Variants in SMIM8 observed in about 807,000 individuals in gnomAD.
The protein encoded by SMIM8 is small integral membrane protein 8.
In SMIM8, 8 loss-of-function variants were observed where a neutral mutation model predicts 8.1. The observed-to-expected ratio is 0.99, with a 90% CI of 0.58 to 1.78. The LOEUF (loss-of-function observed/expected upper bound fraction) is 1.78. Ranked by LOEUF, SMIM8 falls within the 40% of genes most tolerant of loss-of-function variation. The probability of loss-of-function intolerance (pLI) is 0.00; values close to 1 mark genes in which losing one functional copy is unlikely to be tolerated. For missense variants in SMIM8, 126 were observed against 119.8 expected (o/e 1.05, Z -0.24); for synonymous variants, 45 against 39.7 (o/e 1.13, Z -0.50).
At chr6:87,327,206 C>G (rs1419213355) in intron 1 of SMIM8, among the ~76,000 whole-genome samples, 1 of 148,244 alleles carries the variant, frequency 6.7e-6, no homozygotes, top group South Asian at 2.2e-4. Flanking sequence ...ACTGATGGGT[C>G]TTGACTCTTT....
At chr6:87,337,654 T>C (rs1228751686) in intron 3 of SMIM8, among the ~76,000 whole-genome samples, 2 of 152,234 alleles carry the variant, frequency 1.3e-5, no homozygotes, top group East Asian at 3.9e-4. Context: ...CATTTATTTA[T>C]TAGAGGTTCT....
chr6:87,341,469 G>T lies in SMIM8; in HGVS notation c.*1195G>T, dbSNP rs370228. ...TAGAATTCAAATCTTTCTTACAAGGGTTCTGGACCCGTTTCATTTCTAGAT... is the reference window on the plus strand; with the variant it reads ...TAGAATTCAAATCTTTCTTACAAGGTTTCTGGACCCGTTTCATTTCTAGAT... On this transcript the variant is annotated 3_prime_UTR_variant, in exon 4 of 4. Coordinates refer to ENST00000392863, the MANE Select transcript of SMIM8 (RefSeq NM_001042493.3). The T allele has an allele frequency of 0.09, 35,440 of 393,390 alleles. 1,984 individuals carry two copies. Among genetic ancestry groups the T allele is most frequent in the Middle Eastern group, 0.13 (202 of 1,560 alleles). The allele number at this position is 393,390 out of a possible 1,614,324, so 24.4% of individuals were successfully genotyped here.
intron 3 of SMIM8, 48 bp from the exon 4 acceptor site, chr6:87,340,068 C>T (rs1777188706): frequency 6.9e-7 from 1 of 1,442,806 alleles, no homozygotes; most frequent in Non-Finnish European, 9.1e-7. Context: ...TGGGTCTCCT[C>T]AAATTGTTAG....
chr6:87,336,192 C>G (rs765166347), intron 2 of SMIM8, among the ~76,000 whole-genome samples: 2 of 152,120 alleles, frequency 1.3e-5, no homozygotes, highest in Non-Finnish European at 2.9e-5. Flanking sequence ...CTTTCTTTCT[C>G]TACCTCCCCT....
chr6:87,337,301 T>C, intron 3 of SMIM8, 135 bp downstream of exon 3: 2 of 932,308 alleles, frequency 2.1e-6, no homozygotes, highest in Non-Finnish European at 3.0e-6. Flanking sequence ...TAAAAGCAGG[T>C]GGAAGGACGA....
chr6:87,334,205 G>A (rs757050837), intron 2 of SMIM8, among the ~76,000 whole-genome samples: 1 of 152,124 alleles, frequency 6.6e-6, no homozygotes, highest in Non-Finnish European at 1.5e-5. Flanking sequence ...TCAACACTGG[G>A]GATTACAATT....
At chr6:87,338,795 G>A (rs1036511308) in intron 3 of SMIM8, among the ~76,000 whole-genome samples, 4 of 151,916 alleles carry the variant, frequency 2.6e-5, no homozygotes, top group African/African-American at 4.8e-5. Flanking sequence ...AGACCAACTC[G>A]TTGAGTGTGA....
chr6:87,326,612 T>C (rs1776827595), intron 1 of SMIM8, among the ~76,000 whole-genome samples: 2 of 147,398 alleles, frequency 1.4e-5, no homozygotes, highest in African/African-American at 5.1e-5. Flanking sequence ...TCTAGTTTGA[T>C]TGCACTGTGG....
At chr6:87,324,253 T>C (rs1776760036) in intron 1 of SMIM8, among the ~76,000 whole-genome samples, 2 of 150,830 alleles carry the variant, frequency 1.3e-5, no homozygotes, top group South Asian at 4.1e-4. Flanking sequence ...TAGTTTCTTT[T>C]GCTGTGCAGA....
chr6:87,323,983 G>A (rs1455020133), intron 1 of SMIM8, among the ~76,000 whole-genome samples: 1 of 150,426 alleles, frequency 6.6e-6, no homozygotes, highest in African/African-American at 2.5e-5. Context: ...CTGTGAGATG[G>A]TATCTCATTG....
At chr6:87,330,608 T>C (rs1471636451) in intron 1 of SMIM8, 84 bp from the exon 2 acceptor site, 1 of 152,178 alleles carries the variant, frequency 6.6e-6, no homozygotes, top group African/African-American at 2.4e-5. Flanking sequence ...CACTTTGAGA[T>C]GTAAATGACT....
chr6:87,327,304 G>T (rs1278602762), intron 1 of SMIM8, among the ~76,000 whole-genome samples: 5 of 150,714 alleles, frequency 3.3e-5, no homozygotes, highest in Non-Finnish European at 7.4e-5. Flanking sequence ...ATTTGATCCT[G>T]TCATTATGTT....
rs1233073207 is a variant in SMIM8, at chr6:87,341,061, A to G, written c.*787A>G. ...ATTTTGTTTATGTTAATTTGTGTTAATTAATGTTACTGTAATGTTATAAAC... is the reference window on the plus strand; with the variant it reads ...ATTTTGTTTATGTTAATTTGTGTTAGTTAATGTTACTGTAATGTTATAAAC... On this transcript the variant is annotated 3_prime_UTR_variant, in exon 4 of 4. Coordinates refer to ENST00000392863, the MANE Select transcript of SMIM8 (RefSeq NM_001042493.3). 1 of 381,774 alleles carries G rather than the reference A, an allele frequency of 2.6e-6. No individual in the cohort carries two copies. The highest frequency in any genetic ancestry group is 1.5e-4 in the South Asian group (1 of 6,878). The allele number at this position is 381,774 out of a possible 1,614,324, so 23.6% of individuals were successfully genotyped here.
intron 1 of SMIM8, among the ~76,000 whole-genome samples, 154 bp from the exon 2 acceptor site, chr6:87,330,538 G>A (rs1776968926): frequency 6.6e-6 from 1 of 151,946 alleles, no homozygotes; most frequent in African/African-American, 2.4e-5. Context: ...TCTCGGTGTA[G>A]GACCATCTGT....
At chr6:87,328,747 A>C (rs553772193) in intron 1 of SMIM8, among the ~76,000 whole-genome samples, 2,352 of 152,314 alleles carry the variant, frequency 0.015, 63 homozygotes, top group African/African-American at 0.053. Flanking sequence ...CTACAGAGGC[A>C]GGCAGGCCTC....
chr6:87,328,183 C>G (rs1776882205), intron 1 of SMIM8, among the ~76,000 whole-genome samples: 1 of 152,180 alleles, frequency 6.6e-6, no homozygotes. Context: ...TTTTCAACTT[C>G]TTTGCCTTTG....
chr6:87,335,400 G>A (rs927023097), intron 2 of SMIM8, among the ~76,000 whole-genome samples: 6 of 152,106 alleles, frequency 3.9e-5, no homozygotes, highest in Non-Finnish European at 8.8e-5. Flanking sequence ...AGAAAGCCGT[G>A]GTGATAGCGA....
At position 87,328,854 on chromosome 6, in the gene SMIM8, A is replaced by G. The variant is rs543611454; in HGVS notation, c.-44-1838A>G. Among the ~76,000 whole-genome samples the G allele has an allele frequency of 8.9e-4, 135 of 152,228 alleles. No homozygotes were observed. In the Middle Eastern group the frequency reaches 0.01, roughly 12 times the overall value. On this transcript the variant is annotated intron_variant, in intron 1 of 3. Coordinates refer to ENST00000392863, the MANE Select transcript of SMIM8 (RefSeq NM_001042493.3). Reference sequence around the variant, plus strand: ...TGGCGGGCGCCCCTCCCCCAGCCTCACTGCCGCCTTGCAGTTTGATCTCAG... The same window carrying G: ...TGGCGGGCGCCCCTCCCCCAGCCTCGCTGCCGCCTTGCAGTTTGATCTCAG...
intron 1 of SMIM8, among the ~76,000 whole-genome samples, chr6:87,325,889 C>G (rs1416623516): frequency 1.3e-5 from 2 of 152,232 alleles, no homozygotes; most frequent in Non-Finnish European, 2.9e-5. Flanking sequence ...GTGAAGCCAT[C>G]TGCTCCTGGA....
Sources: gnomAD v4.1 joint callset for allele counts (sites outside exome capture counted in the v4.1 genomes callset) on GRCh38, gnomAD v4.1.1 for gene constraint, MANE v1.5 for transcripts, NCBI Gene and HGNC (gene_info 2026-07-23, HGNC 2026-07-21) for gene names.